Variants in MTA1 observed in about 807,000 individuals in gnomAD.
The protein encoded by MTA1 is metastasis associated 1, also known as metastasis-associated protein MTA1.
A neutral mutation model predicts 97.0 loss-of-function variants in MTA1; 15 were observed. The ratio of observed to expected loss-of-function variants is 0.15; its 90% CI spans 0.10 to 0.24. The LOEUF (loss-of-function observed/expected upper bound fraction) is 0.24. MTA1 is among the 10% of genes least tolerant of loss of function. The pLI is 1.00. For missense variants in MTA1, 709 were observed against 1,015.1 expected (o/e 0.70, Z 4.10); for synonymous variants, 435 against 417.5 (o/e 1.04, Z -0.51).
At chr14:105,437,785 C>T (rs1056346266) in intron 1 of MTA1, among the ~76,000 whole-genome samples, 10 of 152,324 alleles carry the variant, frequency 6.6e-5, no homozygotes, top group Non-Finnish European at 7.3e-5. Flanking sequence ...GGTGCTGGTT[C>T]GTGAGGACAT....
chr14:105,463,153 C>T lies in MTA1; in HGVS notation c.943-31C>T. 4 of 1,607,190 alleles carry T rather than the reference C, an allele frequency of 2.5e-6. No homozygotes were observed. The highest frequency in any genetic ancestry group is 3.4e-6 in the Non-Finnish European group (4 of 1,177,342). On this transcript the variant is annotated intron_variant, in intron 10 of 20. Transcript: ENST00000331320. The surrounding 1 kb of genome is among the most constrained non-coding windows in gnomAD (Gnocchi z 5.9). ...TGGTGTGCCTGCCTCCTGCCCCTTC[C>T]TGCTTGTGTGACACGCCTCCTCCCA... is the stretch of plus-strand genomic sequence containing the variant.
At chr14:105,441,301 G>T (rs1428898183) in intron 2 of MTA1, among the ~76,000 whole-genome samples, 1 of 152,168 alleles carries the variant, frequency 6.6e-6, no homozygotes, top group East Asian at 1.9e-4. Context: ...CAGGACCCTA[G>T]CGGCCAGACT....
chr14:105,451,936 G>T (rs932348650), intron 6 of MTA1, among the ~76,000 whole-genome samples: 1 of 151,918 alleles, frequency 6.6e-6, no homozygotes, highest in South Asian at 2.1e-4. Flanking sequence ...GATTACAGAC[G>T]TGTGTCACCA....
intron 7 of MTA1, among the ~76,000 whole-genome samples, chr14:105,456,770 G>T (rs1555430017): frequency 6.6e-6 from 1 of 152,242 alleles, no homozygotes; most frequent in African/African-American, 2.4e-5. Context: ...CTAGGCCCCA[G>T]CTTCCCCAGG....
At chr14:105,458,623 A>G (rs782453978) in intron 8 of MTA1, among the ~76,000 whole-genome samples, 10 of 151,942 alleles carry the variant, frequency 6.6e-5, no homozygotes, top group Non-Finnish European at 1.2e-4. Flanking sequence ...TGTGTCCCTA[A>G]TGGGGCTTTC....
chr14:105,469,075 G>C (rs587640909), intron 18 of MTA1: 92 of 454,180 alleles, frequency 2.0e-4, no homozygotes, highest in Non-Finnish European at 2.6e-4. Flanking sequence ...GGGCAGTGCC[G>C]GCCACAGCGT....
intron 1 of MTA1, among the ~76,000 whole-genome samples, chr14:105,429,719 C>T (rs1555423007): frequency 7.3e-6 from 1 of 136,894 alleles, no homozygotes; most frequent in Admixed American, 7.7e-5. Flanking sequence ...TCCCGAAGTG[C>T]TGGGATTACA....
chr14:105,429,234 T>C (rs587638331), intron 1 of MTA1, among the ~76,000 whole-genome samples: 1 of 152,308 alleles, frequency 6.6e-6, no homozygotes, highest in African/African-American at 2.4e-5. Flanking sequence ...GCTTTCTCTC[T>C]ATCAGTACTA....
chr14:105,421,520 G>A (rs1555420897), intron 1 of MTA1, among the ~76,000 whole-genome samples: 2 of 152,172 alleles, frequency 1.3e-5, no homozygotes, highest in African/African-American at 4.8e-5. Context: ...TTGGGGGTGG[G>A]GAGTGGTGGC....
At chr14:105,453,496 C>T (rs587755883) in intron 6 of MTA1, among the ~76,000 whole-genome samples, 23 of 151,280 alleles carry the variant, frequency 1.5e-4, no homozygotes, top group African/African-American at 5.3e-4. Context: ...GGCGACGGAG[C>T]GAGACCATGT....
At chr14:105,445,689 G>A (rs587756211) in intron 3 of MTA1, 178 bp downstream of exon 3, 30 of 729,306 alleles carry the variant, frequency 4.1e-5, no homozygotes, top group African/African-American at 3.7e-4. Context: ...TCCTGGCTCC[G>A]TTTCCTCGGG....
chr14:105,427,432 GC>G (rs2082045988), intron 1 of MTA1, among the ~76,000 whole-genome samples: 1 of 152,226 alleles, frequency 6.6e-6, no homozygotes, highest in East Asian at 1.9e-4. Flanking sequence ...CTGGACACAG[GC>G]AGGCTGGGAT....
intron 6 of MTA1, among the ~76,000 whole-genome samples, chr14:105,451,886 G>T (rs2082956910): frequency 6.7e-6 from 1 of 148,250 alleles, no homozygotes; most frequent in East Asian, 2.0e-4. Context: ...CGCCTCCCGG[G>T]TTCAAGCGAT....
In MTA1 at chr14:105,463,784, C is replaced by T. The variant is rs1163204843; in HGVS notation, c.1076+233C>T. The T allele has an allele frequency of 1.1e-5, 7 of 622,254 alleles. No homozygotes were observed. The East Asian group carries it at 1.9e-4, about 17-fold the overall frequency. 38.5% of individuals were successfully genotyped at this position (622,254 alleles called of 1,614,324 possible). On this transcript the variant is annotated intron_variant, in intron 12 of 20. Coordinates refer to ENST00000331320, the MANE Select transcript of MTA1 (RefSeq NM_004689.4). This position sits in a 1 kb window ranked among gnomAD's most constrained non-coding sequence, Gnocchi z 5.9. ...AAGGGGGCATTGGGATTCCAGCCCACACCGCCAGGGTTCAGTCCCTGAGCT... is the reference window on the plus strand; with the variant it reads ...AAGGGGGCATTGGGATTCCAGCCCATACCGCCAGGGTTCAGTCCCTGAGCT...
At chr14:105,450,450 G>A (rs1231005558) in intron 6 of MTA1, 126 bp downstream of exon 6, 3 of 1,096,216 alleles carry the variant, frequency 2.7e-6, no homozygotes, top group Non-Finnish European at 3.8e-6. Flanking sequence ...AGGCTGTTCT[G>A]GGGGGAAGCG....
chr14:105,465,205 G>A (rs1384162639), intron 16 of MTA1, 22 bp downstream of exon 16: 2 of 1,498,838 alleles, frequency 1.3e-6, no homozygotes, highest in Non-Finnish European at 1.8e-6. Context: ...GGCGTGCTGG[G>A]GGGCTCCCAA....
intron 2 of MTA1, among the ~76,000 whole-genome samples, chr14:105,443,819 G>A (rs1462359005): frequency 7.2e-5 from 11 of 152,162 alleles, no homozygotes; most frequent in African/African-American, 1.9e-4. Flanking sequence ...GGCTGGGTGC[G>A]GTGGCTCATG....
rs191719045 is a variant in MTA1, at chr14:105,463,719, G to A, written c.1076+168G>A. ...GGGCTGGGGGGTTCTGGCTGCAGAC[G>A]CAGTGGCCATGTCTCTGTCGTCCTG... On this transcript the variant is annotated intron_variant, in intron 12 of 20. Coordinates refer to ENST00000331320, the MANE Select transcript of MTA1 (RefSeq NM_004689.4). The surrounding 1 kb of genome is among the most constrained non-coding windows in gnomAD (Gnocchi z 5.9). 4.0e-4 allele frequency: 267 copies of A among 663,256 alleles called. No individual in the cohort carries two copies. The highest frequency in any genetic ancestry group is 3.0e-3 in the African/African-American group (165 of 55,086). The allele number at this position is 663,256 out of a possible 1,614,324, so 41.1% of individuals were successfully genotyped here.
At chr14:105,421,877 C>G (rs1283099799) in intron 1 of MTA1, among the ~76,000 whole-genome samples, 1 of 152,236 alleles carries the variant, frequency 6.6e-6, no homozygotes, top group Non-Finnish European at 1.5e-5. Flanking sequence ...CCCGCAGGCC[C>G]GTCCCAGGGC....
Sources: gnomAD v4.1 joint callset for allele counts (sites outside exome capture counted in the v4.1 genomes callset) on GRCh38, gnomAD v4.1.1 for gene constraint, Gnocchi (gnomAD v3.1) non-coding constraint, MANE v1.5 for transcripts, NCBI Gene and HGNC (gene_info 2026-07-23, HGNC 2026-07-21) for gene names.